Variants in BMPR2 observed in about 807,000 individuals in gnomAD.
The protein encoded by BMPR2 is bone morphogenetic protein receptor type 2.
Under a neutral mutation model 100.8 loss-of-function variants are expected in BMPR2, and 29 were observed. The ratio of observed to expected loss-of-function variants is 0.29; its 90% CI spans 0.21 to 0.39. The LOEUF (loss-of-function observed/expected upper bound fraction) is 0.39. Among genes scored for constraint, BMPR2 ranks in the 10% least tolerant of loss-of-function variants. The pLI is 1.00. For synonymous variants in BMPR2, 382 were observed against 442.3 expected (o/e 0.86, Z 1.71); for missense variants, 1,011 against 1,274.5 (o/e 0.79, Z 3.15).
intron 3 of BMPR2, among the ~76,000 whole-genome samples, chr2:202,485,755 G>A (rs1490068084): frequency 6.6e-6 from 1 of 151,582 alleles, no homozygotes; most frequent in Non-Finnish European, 1.5e-5. Context: ...ATGTTGACCA[G>A]GCTGGTCTCA....
intron 1 of BMPR2, among the ~76,000 whole-genome samples, chr2:202,462,728 T>C (rs1692248453): frequency 6.6e-6 from 1 of 152,030 alleles, no homozygotes; most frequent in South Asian, 2.1e-4. Context: ...TTTTTGTTTT[T>C]TGAGATGGAG....
At chr2:202,416,840 T>TC (rs1393147937) in intron 1 of BMPR2, among the ~76,000 whole-genome samples, 2 of 151,444 alleles carry the variant, frequency 1.3e-5, no homozygotes, top group Non-Finnish European at 2.9e-5. Context: ...TTTTTCTTTT[T>TC]CTTTTTTTTT....
At chr2:202,404,403 C>T (rs980163669) in intron 1 of BMPR2, among the ~76,000 whole-genome samples, 2 of 152,058 alleles carry the variant, frequency 1.3e-5, no homozygotes, top group Admixed American at 6.6e-5. Context: ...ACCATGTTGG[C>T]CAGGCTGGTC....
chr2:202,534,434 A>G (rs2106021963), intron 9 of BMPR2, among the ~76,000 whole-genome samples: 1 of 151,720 alleles, frequency 6.6e-6, no homozygotes, highest in East Asian at 1.9e-4. Context: ...GTCCCTGGGT[A>G]CTTGAGATTA....
rs566168416 is a variant in BMPR2, at chr2:202,402,491, T to A, written c.76+24941T>A. ...GAGATCACACCACTGTACTCCAGCC[T>A]GGGCAACAGAGTAAGACTCCGTCTC... On this transcript the variant is annotated intron_variant, in intron 1 of 12. Transcript: ENST00000374580. Among the ~76,000 whole-genome samples, 3 of 152,184 alleles carry A rather than the reference T, an allele frequency of 2.0e-5. No homozygotes were observed. In the South Asian group the frequency reaches 6.2e-4, roughly 32 times the overall value.
intron 7 of BMPR2, among the ~76,000 whole-genome samples, chr2:202,528,440 G>A (rs1687958989): frequency 6.6e-6 from 1 of 152,202 alleles, no homozygotes; most frequent in Non-Finnish European, 1.5e-5. Context: ...ACCCGCCTCA[G>A]CCTCCCCAAG....
At chr2:202,440,817 A>ACTG (rs1258688214) in intron 1 of BMPR2, among the ~76,000 whole-genome samples, 1 of 150,152 alleles carries the variant, frequency 6.7e-6, no homozygotes, top group Non-Finnish European at 1.5e-5. Context: ...GACTGGGGAG[A>ACTG]GGGAGAGGGA....
chr2:202,463,923 G>A (rs571276778), intron 1 of BMPR2, among the ~76,000 whole-genome samples: 4 of 152,114 alleles, frequency 2.6e-5, no homozygotes, highest in African/African-American at 9.6e-5. Flanking sequence ...ACTTTTGGAG[G>A]CCTAGTTGGG....
At chr2:202,383,419 G>A (rs532435202) in intron 1 of BMPR2, among the ~76,000 whole-genome samples, 3 of 151,978 alleles carry the variant, frequency 2.0e-5, no homozygotes, top group Non-Finnish European at 2.9e-5. Flanking sequence ...CATGGCTCAC[G>A]CTTGTAATCC....
At chr2:202,404,064 A>G (rs142449230) in intron 1 of BMPR2, among the ~76,000 whole-genome samples, 7 of 151,730 alleles carry the variant, frequency 4.6e-5, no homozygotes, top group South Asian at 2.1e-4. Flanking sequence ...TTATATTTCT[A>G]TGATACTTGA....
rs748355638 is a variant in BMPR2 at position 202,559,782 on chromosome 2, C to T, written c.2953C>T (p.Arg985Cys). Residue 985 changes from arginine (R) to cysteine (C), a missense_variant, in exon 13 of 13, where the codon CGC becomes TGC. By Grantham distance (180) the Arg-to-Cys change is radical. Around this residue, in one of 6 missense-constraint regions of BMPR2, gnomAD observed 58 missense variants for 72.3 expected, o/e 0.80. Transcript: ENST00000374580. ...VKTPYSLKRW[R>C]PSTWVISTES... ...AACTCCCTATTCTCTTAAGCGGTGG[C>T]GCCCCTCCACCTGGGTCATCTCCAC... 4.3e-6 allele frequency: 7 copies of T among 1,614,024 alleles called. No individual in the cohort carries two copies. Among genetic ancestry groups the T allele is most frequent in the East Asian group, 2.2e-5 (1 of 44,878 alleles).
chr2:202,526,600 A>G (rs1687916266), intron 7 of BMPR2, among the ~76,000 whole-genome samples: 1 of 152,218 alleles, frequency 6.6e-6, no homozygotes, highest in Admixed American at 6.5e-5. Flanking sequence ...TTAGCTCTTC[A>G]ATATTATACT....
chr2:202,515,226 G>A (rs946487700), intron 5 of BMPR2, among the ~76,000 whole-genome samples: 1 of 152,102 alleles, frequency 6.6e-6, no homozygotes, highest in African/African-American at 2.4e-5. Context: ...GTAGTAGTAA[G>A]TGCTATGAAG....
At chr2:202,464,280 G>A (rs938392985) in intron 1 of BMPR2, among the ~76,000 whole-genome samples, 1 of 150,886 alleles carries the variant, frequency 6.6e-6, no homozygotes, top group East Asian at 1.9e-4. Flanking sequence ...CTTGTGCAAT[G>A]GTTACCAGTT....
chr2:202,377,621 C>T, intron 1 of BMPR2, 71 bp downstream of exon 1: 2 of 1,551,812 alleles, frequency 1.3e-6, no homozygotes, highest in Non-Finnish European at 8.9e-7. Flanking sequence ...CCGCAGAGGC[C>T]GAGGCCTGTG....
chr2:202,490,014 A>G (rs777056410), intron 3 of BMPR2, among the ~76,000 whole-genome samples: 15 of 152,302 alleles, frequency 9.8e-5, no homozygotes, highest in South Asian at 4.1e-4. Flanking sequence ...GGATCAATTC[A>G]TATCTTTTTG....
At chr2:202,541,148 G>A (rs1389135375) in intron 9 of BMPR2, among the ~76,000 whole-genome samples, 3 of 152,110 alleles carry the variant, frequency 2.0e-5, no homozygotes, top group African/African-American at 7.2e-5. Flanking sequence ...TTAGTTAAAA[G>A]GAATTTTTAG....
intron 1 of BMPR2, among the ~76,000 whole-genome samples, chr2:202,380,589 C>T (rs1690261481): frequency 6.6e-6 from 1 of 151,706 alleles, no homozygotes; most frequent in African/African-American, 2.4e-5. Context: ...TTGAGAAGCA[C>T]TGCTTTATAT....
At chr2:202,403,347 G>T (rs1007024505) in intron 1 of BMPR2, among the ~76,000 whole-genome samples, 6 of 151,838 alleles carry the variant, frequency 4.0e-5, no homozygotes, top group African/African-American at 1.2e-4. Flanking sequence ...CTACAGTTGC[G>T]CACTGCCACG....
Sources: gnomAD v4.1 joint callset for allele counts (sites outside exome capture counted in the v4.1 genomes callset) on GRCh38, gnomAD v4.1.1 for gene constraint, gnomAD v4.1.1 regional missense constraint, MANE v1.5 for transcripts, NCBI Gene and HGNC (gene_info 2026-07-23, HGNC 2026-07-21) for gene names.